Variants in SPTAN1 observed in about 807,000 individuals in gnomAD.
The protein encoded by SPTAN1 is spectrin alpha chain, non-erythrocytic 1.
Under a neutral mutation model 331.3 loss-of-function variants are expected in SPTAN1, and 61 were observed. That is an observed-to-expected ratio of 0.18 (90% confidence interval 0.15 to 0.23). The LOEUF is 0.23. Among genes scored for constraint, SPTAN1 ranks in the 10% least tolerant of loss-of-function variants. SPTAN1 has a pLI of 1.00. For synonymous variants in SPTAN1, 1,153 were observed against 1,173.9 expected, an observed-to-expected ratio of 0.98 and a Z score of 0.36; for missense variants, 2,043 against 3,147.9, an observed-to-expected ratio of 0.65 and a Z score of 8.40.
In SPTAN1 at chr9:128,625,888, C is replaced by G. The variant is rs367629442; in HGVS notation, c.6189C>G (p.His2063Gln). 6.2e-7 allele frequency: 1 copy of G among 1,614,110 alleles called. No individual in the cohort carries two copies. Among genetic ancestry groups the G allele is most frequent in the Non-Finnish European group, 8.5e-7 (1 of 1,180,052 alleles). Residue 2063 changes from histidine to glutamine, a missense_variant, in exon 48 of 57, where the codon CAC (histidine) becomes CAG (glutamine). His to Gln is a conservative substitution (Grantham distance 24). Coordinates refer to ENST00000372739, the MANE Select transcript of SPTAN1 (RefSeq NM_001130438.3). This position sits in a 1 kb window ranked among gnomAD's most constrained non-coding sequence, Gnocchi z 4.1. ...HVQSKAIEARHASLMKRWSQL... is the reference protein window; with the variant it reads ...HVQSKAIEARQASLMKRWSQL... ...AGTCCAAGGCCATCGAGGCCCGGCA[C>G]GCCTCCCTCATGAAGAGGTGGAGCC...
chr9:128,586,887 G>A (rs368776146), intron 19 of SPTAN1, among the ~76,000 whole-genome samples: 2 of 151,144 alleles, frequency 1.3e-5, no homozygotes, highest in Admixed American at 6.6e-5. Context: ...GCATGATCTC[G>A]GATAACTGCA....
rs529962403 is a variant in SPTAN1 at position 128,576,976 on chromosome 9, T to C, written c.785+20T>C. 220 of 1,614,028 alleles carry C rather than the reference T, an allele frequency of 1.4e-4. 2 individuals carry two copies. In the South Asian group the frequency reaches 2.3e-3, roughly 17 times the overall value. On this transcript the variant is annotated intron_variant, in intron 6 of 56. Coordinates refer to ENST00000372739, the MANE Select transcript of SPTAN1 (RefSeq NM_001130438.3). ...TAACAGGTGTCAAGCCAGAGTGGGC[T>C]TTGGGGAATGGGTCTCAACCTGGAG...
In SPTAN1 at chr9:128,561,015, C is replaced by CAAAAA. The variant is rs10648319; in HGVS notation, c.-3-5707_-3-5703dup. The stretch of plus-strand genomic sequence containing the variant: ...TGGGCAACAGAGCAAGACCCCATCT[C>CAAAAA]AAAAAAAAAAAAAAAAAAAAGAAGT... On this transcript the variant is annotated intron_variant, in intron 1 of 56. Coordinates refer to ENST00000372739, the MANE Select transcript of SPTAN1 (RefSeq NM_001130438.3). 1.0e-3 allele frequency among the ~76,000 whole-genome samples: 60 copies of CAAAAA among 59,468 alleles called. 1 individual carries two copies. Among genetic ancestry groups the CAAAAA allele is most frequent in the Middle Eastern group, 0.019 (1 of 52 alleles). The allele number at this position is 59,468 out of a possible 152,430, so 39.0% of individuals were successfully genotyped here.
At chr9:128,596,898 G>T in intron 24 of SPTAN1, among the ~76,000 whole-genome samples, 1 of 152,136 alleles carries the variant, frequency 6.6e-6, no homozygotes, top group Admixed American at 6.5e-5. Context: ...AGTGGCGCAT[G>T]CCTGTAATCC....
chr9:128,562,759 T>G (rs1337830913), intron 1 of SPTAN1, among the ~76,000 whole-genome samples: 1 of 151,686 alleles, frequency 6.6e-6, no homozygotes, highest in African/African-American at 2.4e-5. Context: ...GGTCAGGAGA[T>G]CGAGACCATC....
intron 40 of SPTAN1, among the ~76,000 whole-genome samples, chr9:128,613,850 C>A (rs1856826083): frequency 1.3e-5 from 2 of 151,856 alleles, no homozygotes; most frequent in Admixed American, 6.6e-5. Context: ...ACTAAAAATA[C>A]AAAAATTAGC....
At chr9:128,562,076 G>T (rs1014015017) in intron 1 of SPTAN1, among the ~76,000 whole-genome samples, 1 of 152,172 alleles carries the variant, frequency 6.6e-6, no homozygotes, top group Non-Finnish European at 1.5e-5. Context: ...AGACTTCATA[G>T]AGGACGAGGC....
At chr9:128,593,085 T>C in intron 23 of SPTAN1, 43 bp downstream of exon 23, 1 of 1,572,686 alleles carries the variant, frequency 6.4e-7, no homozygotes, top group Non-Finnish European at 8.7e-7. Flanking sequence ...TGTCCACTGC[T>C]ACCCTATCCA....
chr9:128,581,644 G>C, intron 11 of SPTAN1, 138 bp from the exon 12 acceptor site: 2 of 758,444 alleles, frequency 2.6e-6, no homozygotes, highest in Non-Finnish European at 4.7e-6. Context: ...AGACTTCCTA[G>C]AAGAGATCTT....
At chr9:128,573,673 C>A (rs1211617172) in intron 3 of SPTAN1, among the ~76,000 whole-genome samples, 1 of 151,880 alleles carries the variant, frequency 6.6e-6, no homozygotes, top group Non-Finnish European at 1.5e-5. Flanking sequence ...CCAGGCTGGT[C>A]TCGAACTCCC....
chr9:128,560,207 C>G (rs1036527729), intron 1 of SPTAN1, among the ~76,000 whole-genome samples: 1 of 151,786 alleles, frequency 6.6e-6, no homozygotes, highest in Non-Finnish European at 1.5e-5. Flanking sequence ...CCTCAGCCTC[C>G]CAAGTAGCTG....
chr9:128,599,068 C>A, intron 26 of SPTAN1, 82 bp downstream of exon 26: 1 of 1,353,726 alleles, frequency 7.4e-7, no homozygotes, highest in Non-Finnish European at 1.1e-6. Flanking sequence ...AGAACTTCTT[C>A]ATCAGAATTG....
intron 41 of SPTAN1, among the ~76,000 whole-genome samples, chr9:128,616,242 T>C (rs1420792640): frequency 6.6e-6 from 1 of 151,258 alleles, no homozygotes; most frequent in Non-Finnish European, 1.5e-5. Flanking sequence ...TGAGATGGAG[T>C]CTCGCTCTGT....
Position 128,577,142 on chromosome 9 carries a change from A to G in SPTAN1, c.799A>G (p.Thr267Ala). The G allele has an allele frequency of 1.2e-6, 2 of 1,614,076 alleles. No individual in the cohort carries two copies. Among genetic ancestry groups the G allele is most frequent in the South Asian group, 1.1e-5 (1 of 91,080 alleles). Residue 267 changes from threonine (T) to alanine (A), a missense_variant, in exon 7 of 57, where the codon ACT (threonine) becomes GCT (alanine). Coordinates refer to ENST00000372739, the MANE Select transcript of SPTAN1 (RefSeq NM_001130438.3). This position sits in a 1 kb window ranked among gnomAD's most constrained non-coding sequence, Gnocchi z 4.2. ...TTTGTTCTGTAGGGATGTGGATGAG[A>G]CTATCAGTTGGATTAAGGAAAAGGA... is the stretch of plus-strand genomic sequence containing the variant. The part of the protein sequence containing the change: ...VQRFNRDVDE[T>A]ISWIKEKEQL...
chr9:128,628,566 G>T (rs1014355687), intron 51 of SPTAN1: 1 of 208,318 alleles, frequency 4.8e-6, no homozygotes, highest in African/African-American at 2.3e-5. Context: ...GTCCCGCCCA[G>T]TCCCGGCAGG....
In SPTAN1 at chr9:128,582,722, A is replaced by G. The variant is rs1564223509; in HGVS notation, c.1679A>G (p.Glu560Gly). 4 of 1,613,920 alleles carry G rather than the reference A, an allele frequency of 2.5e-6. No homozygotes were observed. Among genetic ancestry groups the G allele is most frequent in the Non-Finnish European group, 3.4e-6 (4 of 1,180,034 alleles). Reference protein sequence around the residue: ...ALLSRRNALHERAMRRRAQLA... With the variant: ...ALLSRRNALHGRAMRRRAQLA... The stretch of plus-strand genomic sequence containing the variant: ...TTGAGCCGCCGCAATGCCCTTCACG[A>G]GAGAGCCATGCGTCGCCGGGCCCAG... The change falls in exon 14 of 57, where the codon GAG becomes GGG. Residue 560 changes from glutamate (E) to glycine (G), a missense_variant. Physicochemically the swap from Glu to Gly is moderately conservative, Grantham distance 98. Transcript: ENST00000372739.
At position 128,582,775 on chromosome 9, in the gene SPTAN1, T is replaced by C. The variant is rs753364453; in HGVS notation, c.1732T>C (p.Phe578Leu). The stretch of plus-strand genomic sequence containing the variant: ...AGCCGATTCTTTCCATCTGCAGCAG[T>C]TTTTCCGTGATTCTGATGAGCTCAA... ...QLADSFHLQQFFRDSDELKSW... is the reference protein window; with the variant it reads ...QLADSFHLQQLFRDSDELKSW... The change falls in exon 14 of 57, where the codon TTT (phenylalanine) becomes CTT (leucine). Residue 578 changes from phenylalanine (F) to leucine (L), a missense_variant. Physicochemically the swap from Phe to Leu is conservative, Grantham distance 22 (BLOSUM62 0). Coordinates refer to ENST00000372739, the MANE Select transcript of SPTAN1 (RefSeq NM_001130438.3). 1 of 1,613,874 alleles carries C rather than the reference T, an allele frequency of 6.2e-7. No homozygotes were observed. Among genetic ancestry groups the C allele is most frequent in the African/African-American group, 1.3e-5 (1 of 74,908 alleles).
At chr9:128,567,011 T>C (rs200409125) in intron 2 of SPTAN1, 34 bp downstream of exon 2, 20 of 1,612,964 alleles carry the variant, frequency 1.2e-5, no homozygotes, top group Non-Finnish European at 1.7e-5. Context: ...CTGCCAAAAT[T>C]CAAGAGCCCA....
rs999184540 is a variant in SPTAN1 at position 128,586,506 on chromosome 9, A to G, written c.2778+541A>G. Among the ~76,000 whole-genome samples, 5 of 152,186 alleles carry G rather than the reference A, an allele frequency of 3.3e-5. No homozygotes were observed. In the East Asian group the frequency reaches 7.7e-4, roughly 24 times the overall value. On this transcript the variant is annotated intron_variant, in intron 19 of 56. Coordinates refer to ENST00000372739, the MANE Select transcript of SPTAN1 (RefSeq NM_001130438.3). ...GAAGATGACTTCTCACTCACCTTCA[A>G]CCGTTAACATTTGTCACTCTTGTTT...
Sources: allele counts gnomAD v4.1 joint callset (sites outside exome capture counted in the v4.1 genomes callset), GRCh38; gene constraint gnomAD v4.1.1; non-coding constraint Gnocchi (gnomAD v3.1); transcripts MANE v1.5; gene names NCBI Gene and HGNC (gene_info 2026-07-23, HGNC 2026-07-21).